The following APCDD1L variants were observed in gnomAD, a reference collection of about 807,000 sequenced individuals.
APCDD1L encodes APC down-regulated 1 like.
In APCDD1L, 21 loss-of-function variants were observed where a neutral mutation model predicts 24.2. That is an observed-to-expected ratio of 0.87 (90% CI 0.61 to 1.25). The LOEUF is 1.25. APCDD1L is among the 50% of genes most tolerant of loss of function. APCDD1L has a pLI of 0.00. For missense variants in APCDD1L, 704 were observed against 711.7 expected (o/e 0.99, Z 0.12); for synonymous variants, 321 against 323.6 (o/e 0.99, Z 0.09).
chr20:58,514,018 T>G, intron 1 of APCDD1L: 1 of 1,222,778 alleles, frequency 8.2e-7, no homozygotes. Context: ...CAGCTGGCCT[T>G]TGTACAGTTT....
chr20:58,485,646 GCACT>G (rs1362699496), intron 1 of APCDD1L, among the ~76,000 whole-genome samples: 1 of 152,114 alleles, frequency 6.6e-6, no homozygotes, highest in African/African-American at 2.4e-5. Context: ...TGTTTCCCTG[GCACT>G]CACTCTGGCC....
At chr20:58,505,547 G>A (rs1015241943) in intron 1 of APCDD1L, among the ~76,000 whole-genome samples, 2 of 152,150 alleles carry the variant, frequency 1.3e-5, no homozygotes, top group Non-Finnish European at 2.9e-5. Flanking sequence ...CCTGGATATG[G>A]TTTGGCCCTG....
chr20:58,507,265 A>T (rs768320252), intron 1 of APCDD1L, among the ~76,000 whole-genome samples: 1 of 152,118 alleles, frequency 6.6e-6, no homozygotes, highest in Non-Finnish European at 1.5e-5. Context: ...GATTGTGATG[A>T]CTTCCCAGCC....
chr20:58,478,857 GGGGCCCAGGCTGA>G (rs1211530894), intron 1 of APCDD1L, among the ~76,000 whole-genome samples: 1 of 151,942 alleles, frequency 6.6e-6, no homozygotes, highest in East Asian at 1.9e-4. Context: ...CAGCAGGCTG[GGGGCCCAGGCTGA>G]TCCAAGCAGG....
rs745987711 is a variant in APCDD1L, at chr20:58,467,199, C to A, written c.648G>T (p.Val216=). Reference sequence around the variant, plus strand: ...GGATGTCCCCCAGGTACAGCTCCTCCACCAGCCGGGGCGACGCCCGGGGCT... The same window carrying A: ...GGATGTCCCCCAGGTACAGCTCCTCAACCAGCCGGGGCGACGCCCGGGGCT... ...QPQPRASPRL[V]EELYLGDIHT... The change falls in exon 3 of 4, where the codon GTG becomes GTT. Residue 216 remains valine, a synonymous_variant. Transcript: ENST00000371149. This position sits in a 1 kb window ranked among gnomAD's most constrained non-coding sequence, Gnocchi z 5.9. 1 of 1,605,090 alleles carries A rather than the reference C, an allele frequency of 6.2e-7. No individual in the cohort carries two copies. Among genetic ancestry groups the A allele is most frequent in the East Asian group, 2.2e-5 (1 of 44,814 alleles).
In APCDD1L at chr20:58,467,464, T is replaced by G; in HGVS notation, c.383A>C (p.His128Pro). Residue 128 changes from histidine to proline, a missense_variant, in exon 3 of 4, where the codon CAC (histidine) becomes CCC (proline). Physicochemically the swap from His to Pro is moderately conservative, Grantham distance 77 (BLOSUM62 -2). Transcript: ENST00000371149. This position sits in a 1 kb window ranked among gnomAD's most constrained non-coding sequence, Gnocchi z 5.9. The stretch of plus-strand genomic sequence containing the variant: ...GAAGACGATGCCCACCTTGTGCAGG[T>G]GGTAGTCGGCCTCGGTGGCTCCCCG... ...VTRGATEADY[H>P]LHKVGIVFHS... 6.3e-7 allele frequency: 1 copy of G among 1,593,542 alleles called. No individual in the cohort carries two copies. The highest frequency in any genetic ancestry group is 8.5e-7 in the Non-Finnish European group (1 of 1,171,602).
intron 1 of APCDD1L, among the ~76,000 whole-genome samples, chr20:58,501,741 C>G (rs550306037): frequency 1.3e-5 from 2 of 152,322 alleles, no homozygotes; most frequent in East Asian, 3.9e-4. Flanking sequence ...CCACTGTCAC[C>G]ACTTTCCATG....
chr20:58,467,648 G>T lies in APCDD1L; in HGVS notation c.199C>A (p.Arg67Ser), dbSNP rs1199511682. 3.3e-6 allele frequency: 5 copies of T among 1,496,390 alleles called. No homozygotes were observed. Among genetic ancestry groups the T allele is most frequent in the Admixed American group, 2.1e-5 (1 of 46,934 alleles). The allele number at this position is 1,496,390 out of a possible 1,614,324, so 92.7% of individuals were successfully genotyped here. A position where few individuals can be genotyped will look rare whatever the true frequency, so the allele number is the denominator to read the frequency against. The change falls in exon 3 of 4, where the codon CGC becomes AGC. Residue 67 changes from arginine to serine, a missense_variant. Transcript: ENST00000371149. This position sits in a 1 kb window ranked among gnomAD's most constrained non-coding sequence, Gnocchi z 5.9. ...CGGGTCAGGAACTCCGGTCCTGGGC[G>T]CACCTCGCAGCTGCAGGGGTGGAAG... The part of the protein sequence containing the change: ...GPWISTGCEV[R>S]PGPEFLTRAY...
intron 1 of APCDD1L, among the ~76,000 whole-genome samples, chr20:58,488,104 C>T (rs1354071900): frequency 2.0e-5 from 3 of 152,132 alleles, no homozygotes. Context: ...TGGAAAATTC[C>T]AGAAATAAAC....
intron 1 of APCDD1L, among the ~76,000 whole-genome samples, chr20:58,512,446 G>A (rs1162564174): frequency 1.3e-5 from 2 of 152,196 alleles, no homozygotes; most frequent in Non-Finnish European, 2.9e-5. Flanking sequence ...ACTGGCATCT[G>A]TAGGAAGAGG....
intron 1 of APCDD1L, among the ~76,000 whole-genome samples, chr20:58,487,384 TATAA>T (rs1355778984): frequency 6.9e-6 from 1 of 145,804 alleles, no homozygotes; most frequent in Non-Finnish European, 1.5e-5. Flanking sequence ...TAGGAGTAAG[TATAA>T]ATAAACTAAT....
At chr20:58,511,143 C>T (rs1990619373) in intron 1 of APCDD1L, among the ~76,000 whole-genome samples, 2 of 152,224 alleles carry the variant, frequency 1.3e-5, no homozygotes, top group East Asian at 3.9e-4. Context: ...GCCACATGCC[C>T]AGGGAGGCTG....
intron 1 of APCDD1L, among the ~76,000 whole-genome samples, chr20:58,512,757 C>T (rs1990652208): frequency 6.6e-6 from 1 of 152,140 alleles, no homozygotes; most frequent in African/African-American, 2.4e-5. Context: ...GGTGATGTAG[C>T]CAGCGGTGAA....
intron 1 of APCDD1L, among the ~76,000 whole-genome samples, chr20:58,475,656 ATC>A (rs1205940560): frequency 2.0e-5 from 3 of 152,168 alleles, no homozygotes; most frequent in African/African-American, 7.2e-5. Flanking sequence ...AAAGGAGAGC[ATC>A]TGGGCATCTC....
intron 1 of APCDD1L, 47 bp from the exon 2 acceptor site, chr20:58,470,794 C>A: frequency 1.3e-6 from 2 of 1,493,806 alleles, no homozygotes; most frequent in African/African-American, 1.4e-5. Flanking sequence ...GCCCCGGGAA[C>A]ACCCACCCCA....
At chr20:58,473,931 G>A (rs963511748) in intron 1 of APCDD1L, among the ~76,000 whole-genome samples, 4 of 152,276 alleles carry the variant, frequency 2.6e-5, no homozygotes, top group South Asian at 2.1e-4. Flanking sequence ...CCAGGCTACC[G>A]GAGCTTAAAA....
chr20:58,480,108 C>T (rs1989995852), intron 1 of APCDD1L, among the ~76,000 whole-genome samples: 1 of 152,172 alleles, frequency 6.6e-6, no homozygotes, highest in South Asian at 2.1e-4. Flanking sequence ...AATGGAATCT[C>T]CTCATCCACC....
intron 1 of APCDD1L, among the ~76,000 whole-genome samples, chr20:58,474,913 G>A (rs746863200): frequency 2.0e-5 from 3 of 151,984 alleles, no homozygotes; most frequent in Non-Finnish European, 2.9e-5. Context: ...CGGCAACAAT[G>A]ACTCCGCTTT....
chr20:58,469,747 AGAT>A (rs1179503013), intron 2 of APCDD1L, among the ~76,000 whole-genome samples: 1 of 152,186 alleles, frequency 6.6e-6, no homozygotes, highest in Non-Finnish European at 1.5e-5. Context: ...AAGCGCTAGC[AGAT>A]GTTTGGCAGT....
Sources: gnomAD v4.1 joint callset for allele counts (sites outside exome capture counted in the v4.1 genomes callset) on GRCh38, gnomAD v4.1.1 for gene constraint, Gnocchi (gnomAD v3.1) non-coding constraint, MANE v1.5 for transcripts, NCBI Gene and HGNC (gene_info 2026-07-23, HGNC 2026-07-21) for gene names.